The following EPHB2 variants were observed in gnomAD, a reference collection of about 807,000 sequenced individuals.
The protein encoded by EPHB2 is EPH receptor B2.
EPHB2 carries 18 observed loss-of-function variants against 96.4 expected under a neutral mutation model. The ratio of observed to expected loss-of-function variants is 0.19; its 90% CI spans 0.13 to 0.28. The LOEUF (loss-of-function observed/expected upper bound fraction) is 0.28. Among genes scored for constraint, EPHB2 ranks in the 10% least tolerant of loss-of-function variants. The pLI, the probability that EPHB2 is intolerant of heterozygous loss-of-function variation, is 1.00. For synonymous variants in EPHB2, 506 were observed against 534.1 expected (o/e 0.95, Z 0.72); for missense variants, 989 against 1,355.4 (o/e 0.73, Z 4.25).
intron 1 of EPHB2, among the ~76,000 whole-genome samples, chr1:22,757,449 T>C (rs2148389302): frequency 6.6e-6 from 1 of 152,342 alleles, no homozygotes; most frequent in Non-Finnish European, 1.5e-5. Context: ...GAGCAGACTC[T>C]GGAGTCAGAC....
intron 1 of EPHB2, among the ~76,000 whole-genome samples, chr1:22,742,199 C>T (rs1157722958): frequency 4.6e-5 from 7 of 152,154 alleles, no homozygotes; most frequent in East Asian, 1.9e-4. Flanking sequence ...GCTCCAGGCT[C>T]GTGGTATGGA....
At chr1:22,816,416 G>T (rs995364823) in intron 3 of EPHB2, among the ~76,000 whole-genome samples, 1 of 152,084 alleles carries the variant, frequency 6.6e-6, no homozygotes, top group Non-Finnish European at 1.5e-5. Context: ...TCTTCATACC[G>T]CATTGCCTTC....
At chr1:22,820,695 A>C (rs910355944) in intron 3 of EPHB2, among the ~76,000 whole-genome samples, 1 of 152,306 alleles carries the variant, frequency 6.6e-6, no homozygotes, top group Admixed American at 6.5e-5. Flanking sequence ...AAAATTAGCA[A>C]CTATTATTTA....
At chr1:22,912,779 A>T in intron 15 of EPHB2, 180 bp downstream of exon 15, 1 of 813,576 alleles carries the variant, frequency 1.2e-6, no homozygotes, top group South Asian at 1.5e-5. Flanking sequence ...TCTGCCTGCC[A>T]CCTACAAGCT....
rs185243160 is a variant in EPHB2, at chr1:22,751,265, C to T, written c.62-30156C>T. Among the ~76,000 whole-genome samples, 573 of 152,266 alleles carry T rather than the reference C, an allele frequency of 3.8e-3. 4 individuals carry two copies. The highest frequency in any genetic ancestry group is 0.013 in the African/African-American group (537 of 41,554). On this transcript the variant is annotated intron_variant, in intron 1 of 15. Transcript: ENST00000374630. Reference sequence around the variant, plus strand: ...TGGAGGCTGCCAGGACAGATGGGAGCGCTCACCTGCCACCCACGCCCATCT... The same window carrying T: ...TGGAGGCTGCCAGGACAGATGGGAGTGCTCACCTGCCACCCACGCCCATCT...
At chr1:22,738,382 C>A (rs1321607679) in intron 1 of EPHB2, among the ~76,000 whole-genome samples, 1 of 152,226 alleles carries the variant, frequency 6.6e-6, no homozygotes, top group African/African-American at 2.4e-5. Flanking sequence ...CAGTTTCTAT[C>A]TCCAAGCATG....
intron 15 of EPHB2, 147 bp downstream of exon 15, chr1:22,912,746 T>A: frequency 8.3e-7 from 1 of 1,201,844 alleles, no homozygotes; most frequent in Non-Finnish European, 1.2e-6. Context: ...AACTTTGGAG[T>A]CACCTGTGGA....
At chr1:22,794,052 G>A (rs918830053) in intron 3 of EPHB2, among the ~76,000 whole-genome samples, 3 of 152,178 alleles carry the variant, frequency 2.0e-5, no homozygotes, top group Non-Finnish European at 4.4e-5. Flanking sequence ...GTGACCAGCA[G>A]GGTGTGATAG....
At chr1:22,756,255 G>T (rs1311323749) in intron 1 of EPHB2, among the ~76,000 whole-genome samples, 1 of 152,158 alleles carries the variant, frequency 6.6e-6, no homozygotes, top group African/African-American at 2.4e-5. Context: ...TGATAAAGGG[G>T]GTGTTCGGGG....
chr1:22,883,845 C>T (rs576870493), intron 6 of EPHB2, among the ~76,000 whole-genome samples: 2 of 152,338 alleles, frequency 1.3e-5, no homozygotes, highest in East Asian at 3.9e-4. Flanking sequence ...TCACCACCTT[C>T]TCCCCGGCAT....
At chr1:22,732,387 G>C (rs1643737891) in intron 1 of EPHB2, among the ~76,000 whole-genome samples, 1 of 151,626 alleles carries the variant, frequency 6.6e-6, no homozygotes, top group African/African-American at 2.4e-5. Flanking sequence ...AAGCGCGTGG[G>C]GGGCCGGAGG....
intron 9 of EPHB2, among the ~76,000 whole-genome samples, chr1:22,905,099 G>T (rs1639868116): frequency 6.6e-6 from 1 of 152,174 alleles, no homozygotes; most frequent in Admixed American, 6.5e-5. Flanking sequence ...AGATGGATGG[G>T]TCATCTTTCC....
chr1:22,718,373 T>G (rs1570142526), intron 1 of EPHB2, among the ~76,000 whole-genome samples: 1 of 144,050 alleles, frequency 6.9e-6, no homozygotes, highest in Non-Finnish European at 1.5e-5. Flanking sequence ...GGAATGGCTG[T>G]CAATTCTTTT....
At position 22,898,655 on chromosome 1, in the gene EPHB2, G is replaced by C. The variant is rs568505305; in HGVS notation, c.1765+2177G>C. Among the ~76,000 whole-genome samples the C allele has an allele frequency of 5.3e-5, 8 of 152,304 alleles. No homozygotes were observed. In the South Asian group the frequency reaches 1.7e-3, roughly 32 times the overall value. On this transcript the variant is annotated intron_variant, in intron 9 of 15. Coordinates refer to ENST00000374630, the MANE Select transcript of EPHB2 (RefSeq NM_017449.5). ...GCGGGACTTCTCTGGCTGCTGTCTG[G>C]AGAATGGACCAACGGGGCTGATGCA...
At chr1:22,897,064 G>C (rs775434082) in intron 9 of EPHB2, among the ~76,000 whole-genome samples, 5 of 152,130 alleles carry the variant, frequency 3.3e-5, no homozygotes, top group Non-Finnish European at 4.4e-5. Flanking sequence ...CCAGACCCCT[G>C]TTCTTCCCCA....
rs562454649 is a variant in EPHB2 at position 22,825,126 on chromosome 1, G to A, written c.812-37911G>A. On this transcript the variant is annotated intron_variant, in intron 3 of 15. Coordinates refer to ENST00000374630, the MANE Select transcript of EPHB2 (RefSeq NM_017449.5). ...ACCATACTTTCTGGACATAAGCTCC[G>A]ATTCAGGTAAACCTGGATTCCTGTG... Among the ~76,000 whole-genome samples, 9 of 152,346 alleles carry A rather than the reference G, an allele frequency of 5.9e-5. No individual in the cohort carries two copies. In the East Asian group the frequency reaches 1.2e-3, roughly 20 times the overall value.
chr1:22,857,833 T>C (rs913409534), intron 3 of EPHB2, among the ~76,000 whole-genome samples: 1 of 152,194 alleles, frequency 6.6e-6, no homozygotes, highest in African/African-American at 2.4e-5. Flanking sequence ...ACACATCAAG[T>C]GCCTACGACC....
chr1:22,893,673 G>A (rs1399061968), intron 7 of EPHB2, among the ~76,000 whole-genome samples: 1 of 152,164 alleles, frequency 6.6e-6, no homozygotes, highest in African/African-American at 2.4e-5. Context: ...AACTGTATGT[G>A]CCTGAACAAG....
intron 5 of EPHB2, among the ~76,000 whole-genome samples, chr1:22,871,717 G>A (rs1242848211): frequency 1.3e-5 from 2 of 152,166 alleles, no homozygotes; most frequent in South Asian, 2.1e-4. Context: ...TTGTTCTGCA[G>A]GTTCAGAAGC....
Sources: allele counts gnomAD v4.1 joint callset (sites outside exome capture counted in the v4.1 genomes callset), GRCh38; gene constraint gnomAD v4.1.1; transcripts MANE v1.5; gene names NCBI Gene and HGNC (gene_info 2026-07-23, HGNC 2026-07-21).